Variants in SYNCRIP observed in about 807,000 individuals in gnomAD.
SYNCRIP encodes the protein heterogeneous nuclear ribonucleoprotein Q.
SYNCRIP carries 9 observed loss-of-function variants against 68.9 expected under a neutral mutation model. That is an observed-to-expected ratio of 0.13 (90% CI 0.08 to 0.23). The LOEUF is 0.23. Ranked by LOEUF, SYNCRIP falls within the 10% of genes least tolerant of loss-of-function variation. SYNCRIP has a pLI of 1.00. For missense variants in SYNCRIP, 414 were observed against 770.6 expected (o/e 0.54, Z 5.48); for synonymous variants, 258 against 254.0 (o/e 1.02, Z -0.15).
At chr6:85,611,664 G>C (rs905042229), downstream of SYNCRIP, 2 of 152,302 alleles carry the variant, frequency 1.3e-5, no homozygotes, top group African/African-American at 4.8e-5. Flanking sequence ...GACACTCACT[G>C]TCATCAAGGT....
chr6:85,622,617 A>G lies in SYNCRIP; in HGVS notation c.873T>C (p.Leu291=). The G allele has an allele frequency of 1.9e-6, 3 of 1,614,220 alleles. No homozygotes were observed. Among genetic ancestry groups the G allele is most frequent in the Non-Finnish European group, 2.5e-6 (3 of 1,180,038 alleles). ...DKKKNRGFCF[L]EYEDHKTAAQ... ...CAGCTGTTTTGTGATCTTCATATTC[A>G]AGAAAGCAAAAGCCTCTGTTTTTTT... is the stretch of plus-strand genomic sequence containing the variant. The change falls in exon 8 of 11, where the codon CTT becomes CTC. Residue 291 remains leucine (L), a synonymous_variant. Transcript: ENST00000369622.
intron 6 of SYNCRIP, among the ~76,000 whole-genome samples, chr6:85,634,498 C>G (rs1030341595): frequency 6.6e-6 from 1 of 152,106 alleles, no homozygotes; most frequent in African/African-American, 2.4e-5. Flanking sequence ...GAACCCATAC[C>G]AAAATCCATG....
intron 8 of SYNCRIP, among the ~76,000 whole-genome samples, chr6:85,622,034 A>G (rs1183269626): frequency 6.7e-6 from 1 of 149,088 alleles, no homozygotes; most frequent in Non-Finnish European, 1.5e-5. Flanking sequence ...CTAGTCCCGT[A>G]GTAAAGAACA....
chr6:85,622,803 C>T, intron 7 of SYNCRIP, 116 bp from the exon 8 acceptor site: 2 of 785,740 alleles, frequency 2.5e-6, no homozygotes, highest in Admixed American at 5.0e-5. Flanking sequence ...CATCTCTTTC[C>T]TTCACTAGAC....
chr6:85,636,973 A>C lies in SYNCRIP; in HGVS notation c.660T>G (p.Val220=). The change falls in exon 6 of 11, where the codon GTT becomes GTG. Residue 220 remains valine, a synonymous_variant. Coordinates refer to ENST00000369622, the MANE Select transcript of SYNCRIP (RefSeq NM_006372.5). ...FCTKEAAQEA[V]KLYNNHEIRS... ...GGAAAAAAGGACAACTTACCAGTTT[A>C]ACAGCCTCCTGAGCTGCTTCTTTTG... is the stretch of plus-strand genomic sequence containing the variant. 6.3e-7 allele frequency: 1 copy of C among 1,595,194 alleles called. No homozygotes were observed. The highest frequency in any genetic ancestry group is 1.2e-5 in the South Asian group (1 of 85,968).
rs747432957 is a variant in SYNCRIP at position 85,619,389 on chromosome 6, G to A, written c.1037C>T (p.Ala346Val). The A allele has an allele frequency of 1.2e-6, 2 of 1,613,578 alleles. No homozygotes were observed. Among genetic ancestry groups the A allele is most frequent in the East Asian group, 2.2e-5 (1 of 44,810 alleles). ...KVKVLFVRNL[A>V]NTVTEEILEK... is the part of the protein sequence containing the mutation. The stretch of plus-strand genomic sequence containing the variant: ...TAAAATCTCTTCTGTTACAGTATTG[G>A]CAAGGTTGCGTACAAACAGCACTTT... The change falls in exon 9 of 11, where the codon GCC (alanine) becomes GTC (valine). Residue 346 changes from alanine (A) to valine (V), a missense_variant. Ala to Val is a moderately conservative substitution (Grantham distance 64). Around this residue, in one of 6 missense-constraint regions of SYNCRIP, gnomAD observed 51 missense variants for 151.1 expected, o/e 0.34. Transcript: ENST00000369622.
At chr6:85,625,798 A>G (rs931924026) in intron 6 of SYNCRIP, among the ~76,000 whole-genome samples, 3 of 152,182 alleles carry the variant, frequency 2.0e-5, no homozygotes, top group Admixed American at 1.3e-4. Flanking sequence ...ACCCAATACT[A>G]CAATACATAA....
chr6:85,617,456 T>C (rs867594000), intron 10 of SYNCRIP, among the ~76,000 whole-genome samples: 8 of 152,366 alleles, frequency 5.3e-5, no homozygotes, highest in Middle Eastern at 6.8e-3. Context: ...TATTTTACAC[T>C]GTTTAGTATA....
intron 6 of SYNCRIP, among the ~76,000 whole-genome samples, chr6:85,636,451 GAAAAGAA>G (rs1808464668): frequency 1.3e-5 from 2 of 151,356 alleles, no homozygotes; most frequent in South Asian, 4.2e-4. Context: ...AAAAAAAAAA[GAAAAGAA>G]AAAAGAAAAA....
chr6:85,613,405 T>C (rs1306528419), downstream of SYNCRIP, among the ~76,000 whole-genome samples: 2 of 152,214 alleles, frequency 1.3e-5, no homozygotes, highest in Non-Finnish European at 1.5e-5. Flanking sequence ...TGTAACTTTA[T>C]TGTCAGGTAT....
Position 85,640,574 on chromosome 6 carries a change from A to T in SYNCRIP, c.149-10T>A. 1 of 1,514,818 alleles carries T rather than the reference A, an allele frequency of 6.6e-7. No homozygotes were observed. The highest frequency in any genetic ancestry group is 8.9e-7 in the Non-Finnish European group (1 of 1,119,478). The allele number at this position is 1,514,818 out of a possible 1,614,324, so 93.8% of individuals were successfully genotyped here. On this transcript the variant is annotated splice_polypyrimidine_tract_variant and intron_variant, in intron 2 of 10. Transcript: ENST00000369622. ...CTATGTGCAACTAGCCCTGAAAAAA[A>T]TAAAAGTTATCAGCTTTTAATATTT...
At chr6:85,631,042 A>G (rs1184424042) in intron 6 of SYNCRIP, among the ~76,000 whole-genome samples, 1 of 152,132 alleles carries the variant, frequency 6.6e-6, no homozygotes, top group Non-Finnish European at 1.5e-5. Flanking sequence ...CAGCCTTAAA[A>G]TGATAATGGC....
chr6:85,636,985 A>G lies in SYNCRIP; in HGVS notation c.648T>C (p.Ala216=), dbSNP rs1333966415. The G allele has an allele frequency of 7.5e-6, 12 of 1,609,582 alleles. No individual in the cohort carries two copies. Among genetic ancestry groups the G allele is most frequent in the Admixed American group, 1.7e-5 (1 of 59,134 alleles). Residue 216 remains alanine, a synonymous_variant, in exon 6 of 11, where the codon GCT becomes GCC. Transcript: ENST00000369622. ...AACTTACCAGTTTAACAGCCTCCTG[A>G]GCTGCTTCTTTTGTACAAAAAGTGA... ...AFVTFCTKEA[A]QEAVKLYNNH...
At chr6:85,637,909 C>T (rs1423467641) in intron 4 of SYNCRIP, among the ~76,000 whole-genome samples, 1 of 152,138 alleles carries the variant, frequency 6.6e-6, no homozygotes, top group African/African-American at 2.4e-5. Context: ...CATGGGATAG[C>T]ATGGGTCCTT....
rs12332840 is a variant in SYNCRIP at position 85,641,608 on chromosome 6, G to C, written c.-12-157C>G. ...ACAGTCACTATCGCCTGACAAGCCA[G>C]ATTTGGAGCACAGGGCACAGAAGGA... On this transcript the variant is annotated intron_variant, in intron 1 of 10. Coordinates refer to ENST00000369622, the MANE Select transcript of SYNCRIP (RefSeq NM_006372.5). 1.5e-3 allele frequency among the ~76,000 whole-genome samples: 236 copies of C among 152,274 alleles called. 1 individual carries two copies. The highest frequency in any genetic ancestry group is 5.5e-3 in the African/African-American group (228 of 41,568).
At chr6:85,635,111 G>A (rs1453039998) in intron 6 of SYNCRIP, among the ~76,000 whole-genome samples, 1 of 152,162 alleles carries the variant, frequency 6.6e-6, no homozygotes, top group Non-Finnish European at 1.5e-5. Flanking sequence ...ATTACAGTGA[G>A]CCAAGATCAT....
chr6:85,640,006 A>G (rs950067505), intron 4 of SYNCRIP, among the ~76,000 whole-genome samples: 2 of 152,240 alleles, frequency 1.3e-5, no homozygotes, highest in Admixed American at 1.3e-4. Flanking sequence ...CCAATAGAAC[A>G]GATTTAAACA....
intron 6 of SYNCRIP, among the ~76,000 whole-genome samples, chr6:85,635,774 CAAAAAAAA>C (rs58599854): frequency 1.6e-4 from 13 of 78,914 alleles, no homozygotes; most frequent in Admixed American, 1.2e-3. Flanking sequence ...TTCTATCTCC[CAAAAAAAA>C]AAAAAAAAAA....
chr6:85,621,891 T>C (rs1019205098), intron 8 of SYNCRIP, among the ~76,000 whole-genome samples: 1 of 148,734 alleles, frequency 6.7e-6, no homozygotes, highest in African/African-American at 2.6e-5. Flanking sequence ...ACACACAAAA[T>C]GGAAGTCAAC....
Sources: allele counts gnomAD v4.1 joint callset (sites outside exome capture counted in the v4.1 genomes callset), GRCh38; gene constraint gnomAD v4.1.1; regional missense constraint gnomAD v4.1.1; transcripts MANE v1.5; gene names NCBI Gene and HGNC (gene_info 2026-07-23, HGNC 2026-07-21).